The following NRXN3 variants were observed in gnomAD, a reference collection of about 807,000 sequenced individuals.
NRXN3 encodes neurexin 3.
NRXN3 carries 32 observed loss-of-function variants against 137.6 expected under a neutral mutation model. That is an observed-to-expected ratio of 0.23 (90% CI 0.18 to 0.31). The LOEUF (loss-of-function observed/expected upper bound fraction) is 0.31. Among genes scored for constraint, NRXN3 ranks in the 10% least tolerant of loss-of-function variants. The pLI is 1.00. For missense variants in NRXN3, 1,574 were observed against 2,062.5 expected, an observed-to-expected ratio of 0.76 and a Z score of 4.59; for synonymous variants, 798 against 784.5, an observed-to-expected ratio of 1.02 and a Z score of -0.29.
chr14:79,537,275 G>A (rs1013689466), intron 16 of NRXN3, among the ~76,000 whole-genome samples: 2 of 151,576 alleles, frequency 1.3e-5, no homozygotes, highest in African/African-American at 4.8e-5. Flanking sequence ...AGAAGTGTCT[G>A]TTCGTGTCCT....
At chr14:79,607,208 C>T (rs965547585) in intron 16 of NRXN3, among the ~76,000 whole-genome samples, 12 of 152,212 alleles carry the variant, frequency 7.9e-5, no homozygotes, top group African/African-American at 2.9e-4. Flanking sequence ...CTTTTACAAA[C>T]ATTGCAGATT....
chr14:79,713,452 T>C (rs1459224581), intron 19 of NRXN3, among the ~76,000 whole-genome samples: 2 of 143,120 alleles, frequency 1.4e-5, no homozygotes, highest in East Asian at 4.1e-4. Flanking sequence ...TAACCAACTT[T>C]AGTAGAGATC....
chr14:78,334,537 C>A (rs143091720), intron 4 of NRXN3, among the ~76,000 whole-genome samples: 2 of 152,132 alleles, frequency 1.3e-5, no homozygotes, highest in Non-Finnish European at 2.9e-5. Flanking sequence ...AGGATGAACA[C>A]GTCAGAATCT....
intron 2 of NRXN3, among the ~76,000 whole-genome samples, chr14:78,258,510 C>T (rs566564288): frequency 5.3e-5 from 8 of 151,866 alleles, no homozygotes; most frequent in Non-Finnish European, 1.2e-4. Context: ...GTGGATGAGG[C>T]TGCCTAGGGA....
chr14:79,861,071 G>A lies in NRXN3; in HGVS notation c.4094-271G>A. 6.3e-6 allele frequency: 9 copies of A among 1,419,656 alleles called. No homozygotes were observed. Among genetic ancestry groups the A allele is most frequent in the Non-Finnish European group, 8.3e-6 (9 of 1,089,400 alleles). The allele number at this position is 1,419,656 out of a possible 1,614,324, so 87.9% of individuals were successfully genotyped here. On this transcript the variant is annotated intron_variant, in intron 20 of 20. Transcript: ENST00000335750. This position sits in a 1 kb window ranked among gnomAD's most constrained non-coding sequence, Gnocchi z 5.4. ...ATTAGTTATCCCTCTTCTTGTAGAA[G>A]ACCCTTTAGCTACCCCTCCTATTGC...
chr14:78,752,145 C>T (rs956992112), intron 8 of NRXN3, among the ~76,000 whole-genome samples: 6 of 152,236 alleles, frequency 3.9e-5, no homozygotes, highest in Non-Finnish European at 5.9e-5. Flanking sequence ...TGGCTCATGC[C>T]TGTAATCCCA....
chr14:78,323,552 A>G (rs1444124374), intron 4 of NRXN3, among the ~76,000 whole-genome samples: 2 of 152,000 alleles, frequency 1.3e-5, no homozygotes, highest in Non-Finnish European at 2.9e-5. Context: ...GTTACTATAA[A>G]CAGCATCATC....
At chr14:79,233,069 C>T (rs969472437) in intron 15 of NRXN3, among the ~76,000 whole-genome samples, 1 of 152,104 alleles carries the variant, frequency 6.6e-6, no homozygotes, top group African/African-American at 2.4e-5. Context: ...AAAATGAGCT[C>T]ATTAATCCTC....
intron 4 of NRXN3, among the ~76,000 whole-genome samples, chr14:78,504,906 C>T (rs1243597145): frequency 1.3e-5 from 2 of 152,092 alleles, no homozygotes; most frequent in East Asian, 1.9e-4. Flanking sequence ...CATCCGGGCC[C>T]GACAAGAGGG....
At chr14:78,655,958 T>A (rs1376562413) in intron 6 of NRXN3, among the ~76,000 whole-genome samples, 2 of 152,052 alleles carry the variant, frequency 1.3e-5, no homozygotes, top group Admixed American at 6.6e-5. Context: ...TTCTCTAGGG[T>A]CCCTTTTATA....
At chr14:79,816,665 C>T (rs1162475248) in intron 20 of NRXN3, among the ~76,000 whole-genome samples, 1 of 152,192 alleles carries the variant, frequency 6.6e-6, no homozygotes, top group African/African-American at 2.4e-5. Flanking sequence ...GAATCTATAG[C>T]ATGATCCCAT....
intron 4 of NRXN3, among the ~76,000 whole-genome samples, chr14:78,306,962 T>G (rs1286219589): frequency 6.6e-6 from 1 of 152,108 alleles, no homozygotes; most frequent in Non-Finnish European, 1.5e-5. Flanking sequence ...ATGCATTGTT[T>G]TTAATGTATT....
intron 1 of NRXN3, among the ~76,000 whole-genome samples, chr14:78,177,511 C>T (rs1051616521): frequency 2.6e-5 from 4 of 152,216 alleles, no homozygotes; most frequent in East Asian, 3.9e-4. Flanking sequence ...TGTAGCCAGA[C>T]GCCCTGGTGT....
intron 8 of NRXN3, among the ~76,000 whole-genome samples, chr14:78,723,004 T>C (rs1175752263): frequency 1.3e-5 from 2 of 152,200 alleles, no homozygotes; most frequent in East Asian, 3.9e-4. Flanking sequence ...AAGTTTTCCA[T>C]GTGGGTGGCA....
At chr14:78,615,680 A>G (rs2097341137) in intron 4 of NRXN3, among the ~76,000 whole-genome samples, 1 of 152,070 alleles carries the variant, frequency 6.6e-6, no homozygotes, top group African/African-American at 2.4e-5. Flanking sequence ...CAGGCCTGTG[A>G]TCCCAGCACT....
intron 16 of NRXN3, among the ~76,000 whole-genome samples, chr14:79,497,976 G>A (rs1237453676): frequency 6.6e-6 from 1 of 152,128 alleles, no homozygotes; most frequent in Non-Finnish European, 1.5e-5. Flanking sequence ...AGAGGTTGTG[G>A]TGAGCCGAGA....
intron 15 of NRXN3, among the ~76,000 whole-genome samples, chr14:79,121,530 T>A (rs2055431384): frequency 6.6e-6 from 1 of 152,228 alleles, no homozygotes; most frequent in Non-Finnish European, 1.5e-5. Flanking sequence ...ACTCTAAACA[T>A]TTTCATTTTT....
chr14:78,773,556 CTTTA>C (rs1056852961), intron 8 of NRXN3, among the ~76,000 whole-genome samples: 2 of 152,050 alleles, frequency 1.3e-5, no homozygotes, highest in African/African-American at 4.8e-5. Flanking sequence ...ACTTACTTAG[CTTTA>C]TTTAATTTTT....
In NRXN3 at chr14:79,737,704, A is replaced by T. The variant is rs546169529; in HGVS notation, c.4014+39767A>T. Among the ~76,000 whole-genome samples the T allele has an allele frequency of 2.7e-5, 4 of 150,294 alleles. No homozygotes were observed. The East Asian group carries it at 7.8e-4, about 29-fold the overall frequency. On this transcript the variant is annotated intron_variant, in intron 19 of 20. Transcript: ENST00000335750. ...ATTAATTAAATCCATATGTCACATC[A>T]TGGTGTGGCATTCTTTTCTTTCTTT... is the stretch of plus-strand genomic sequence containing the variant.
Sources: allele counts gnomAD v4.1 joint callset (sites outside exome capture counted in the v4.1 genomes callset), GRCh38; gene constraint gnomAD v4.1.1; non-coding constraint Gnocchi (gnomAD v3.1); transcripts MANE v1.5; gene names NCBI Gene and HGNC (gene_info 2026-07-23, HGNC 2026-07-21).